The following MYH13 variants were observed in gnomAD, a reference collection of about 807,000 sequenced individuals.
The protein encoded by MYH13 is myosin heavy chain 13, also known as myosin-13.
A neutral mutation model predicts 232.1 loss-of-function variants in MYH13; 177 were observed. The ratio of observed to expected loss-of-function variants is 0.76; its 90% CI spans 0.67 to 0.86. The LOEUF (loss-of-function observed/expected upper bound fraction) is 0.86. MYH13 is among the 40% of genes least tolerant of loss of function. The probability of loss-of-function intolerance (pLI) is 0.00; values close to 1 mark genes in which losing one functional copy is unlikely to be tolerated. For synonymous variants in MYH13, 884 were observed against 923.5 expected, an observed-to-expected ratio of 0.96 and a Z score of 0.78; for missense variants, 2,246 against 2,405.9, an observed-to-expected ratio of 0.93 and a Z score of 1.39.
At chr17:10,323,916 G>A in intron 23 of MYH13, 106 bp downstream of exon 23, 1 of 1,439,342 alleles carries the variant, frequency 6.9e-7, no homozygotes, top group Non-Finnish European at 9.3e-7. Context: ...TCTCATTTCT[G>A]GGCAATGTTA....
At chr17:10,346,578 G>A (rs1364304675) in intron 13 of MYH13, 102 bp downstream of exon 13, 26 of 878,712 alleles carry the variant, frequency 3.0e-5, no homozygotes, top group Non-Finnish European at 4.4e-5. Context: ...TGTGAAAGCT[G>A]ATTTCATGTG....
intron 22 of MYH13, among the ~76,000 whole-genome samples, chr17:10,325,643 C>T (rs775745309): frequency 1.3e-4 from 20 of 152,190 alleles, no homozygotes; most frequent in African/African-American, 4.1e-4. Flanking sequence ...TGTTCTAAAT[C>T]GGGCTATATC....
At chr17:10,332,843 A>G (rs1476381065) in intron 19 of MYH13, among the ~76,000 whole-genome samples, 1 of 152,198 alleles carries the variant, frequency 6.6e-6, no homozygotes, top group Non-Finnish European at 1.5e-5. Context: ...AAGTTGAGAC[A>G]TCCTGGTCTA....
At chr17:10,364,248 G>T in intron 3 of MYH13, 79 bp downstream of exon 3, 1 of 1,398,784 alleles carries the variant, frequency 7.1e-7, no homozygotes, top group Non-Finnish European at 1.0e-6. Context: ...CGAAGGACCA[G>T]CATGCAATTT....
intron 2 of MYH13, among the ~76,000 whole-genome samples, chr17:10,366,380 T>TG (rs1276143855): frequency 1.4e-5 from 2 of 142,590 alleles, no homozygotes; most frequent in African/African-American, 5.2e-5. Context: ...GAAATAAATC[T>TG]GTTTTTTTTT....
At chr17:10,357,287 C>T (rs2071756669) in intron 8 of MYH13, among the ~76,000 whole-genome samples, 1 of 152,134 alleles carries the variant, frequency 6.6e-6, no homozygotes, top group South Asian at 2.1e-4. Flanking sequence ...AGCTCTTCTG[C>T]CTTCACTAGG....
intron 2 of MYH13, among the ~76,000 whole-genome samples, chr17:10,365,532 A>T (rs1233321135): frequency 1.3e-5 from 2 of 152,214 alleles, no homozygotes; most frequent in Non-Finnish European, 2.9e-5. Context: ...GGTGATGCAG[A>T]TGCTGCTGAT....
chr17:10,317,772 A>C (rs1049491009), intron 27 of MYH13: 2 of 152,236 alleles, frequency 1.3e-5, no homozygotes, highest in Admixed American at 1.3e-4. Context: ...CAGAAGGTTC[A>C]AGGGAAGAGG....
At chr17:10,330,703 G>C (rs550490172) in intron 20 of MYH13, among the ~76,000 whole-genome samples, 180 bp from the exon 21 acceptor site, 8 of 151,986 alleles carry the variant, frequency 5.3e-5, no homozygotes, top group Admixed American at 3.9e-4. Flanking sequence ...CTCCTCCTGG[G>C]CAGTGAGGCA....
intron 15 of MYH13, among the ~76,000 whole-genome samples, chr17:10,344,820 CAA>C (rs10566615): frequency 1.9e-3 from 100 of 53,470 alleles, no homozygotes; most frequent in South Asian, 0.016. Flanking sequence ...GACTCCGTCT[CAA>C]AAAAAAAAAA....
chr17:10,307,008 C>T lies in MYH13; in HGVS notation c.5226G>A (p.Gln1742=). Reference sequence around the variant, plus strand: ...CCTGGATCGAGTTCTCCACCTCTGCCTGGCACTGAGCTATGTCAGCCTCCA... The same window carrying T: ...CCTGGATCGAGTTCTCCACCTCTGCTTGGCACTGAGCTATGTCAGCCTCCA... ...KKLEADIAQC[Q]AEVENSIQES... is the part of the protein sequence containing the mutation. Residue 1742 remains glutamine (Q), a synonymous_variant, in exon 36 of 41, where the codon CAG becomes CAA. Transcript: ENST00000252172. 1 of 1,614,052 alleles carries T rather than the reference C, an allele frequency of 6.2e-7. No homozygotes were observed. The highest frequency in any genetic ancestry group is 8.5e-7 in the Non-Finnish European group (1 of 1,179,912).
intron 1 of MYH13, among the ~76,000 whole-genome samples, chr17:10,371,626 C>A (rs768567739): frequency 1.3e-5 from 2 of 151,988 alleles, no homozygotes; most frequent in Admixed American, 6.6e-5. Flanking sequence ...AGGATTAAGA[C>A]AAATTTTTAA....
At chr17:10,337,777 G>A (rs1298807404) in intron 18 of MYH13, among the ~76,000 whole-genome samples, 2 of 152,198 alleles carry the variant, frequency 1.3e-5, no homozygotes, top group African/African-American at 4.8e-5. Flanking sequence ...ATGTAGGGCC[G>A]GGCGCGGTGG....
At chr17:10,332,496 C>G (rs1305185585) in intron 19 of MYH13, among the ~76,000 whole-genome samples, 1 of 152,164 alleles carries the variant, frequency 6.6e-6, no homozygotes, top group Non-Finnish European at 1.5e-5. Flanking sequence ...GGAAATGGTT[C>G]TTCTCTGGCT....
Position 10,345,216 on chromosome 17 carries a change from C to G in MYH13, c.1570G>C (p.Glu524Gln). The change falls in exon 15 of 41, where the codon GAG becomes CAG. Residue 524 changes from glutamate to glutamine, a missense_variant. Transcript: ENST00000252172. ...DFGMDLAACI[E>Q]LIEKPMGIFS... ...TATCTCTCTACCTTCTCGATGAGCT[C>G]GATGCAGGCAGCCAGGTCCATTCCG... 6.2e-7 allele frequency: 1 copy of G among 1,614,078 alleles called. No individual in the cohort carries two copies. Among genetic ancestry groups the G allele is most frequent in the South Asian group, 1.1e-5 (1 of 91,068 alleles).
chr17:10,318,229 C>A (rs1017771563), intron 27 of MYH13, among the ~76,000 whole-genome samples: 1 of 152,114 alleles, frequency 6.6e-6, no homozygotes, highest in Non-Finnish European at 1.5e-5. Flanking sequence ...GGAACAAGAG[C>A]GAAACAGTGG....
chr17:10,347,700 C>A (rs1039269691), intron 12 of MYH13, among the ~76,000 whole-genome samples: 7 of 147,028 alleles, frequency 4.8e-5, no homozygotes, highest in African/African-American at 1.7e-4. Context: ...TGCTGCTCCC[C>A]AGGGACTACT....
At chr17:10,325,467 C>T (rs1907167335) in intron 22 of MYH13, among the ~76,000 whole-genome samples, 1 of 152,168 alleles carries the variant, frequency 6.6e-6, no homozygotes, top group South Asian at 2.1e-4. Flanking sequence ...GCATGAGCCA[C>T]CAGGCCTGGT....
In MYH13 at chr17:10,312,700, G is replaced by A. The variant is rs764282447; in HGVS notation, c.4239C>T (p.Ser1413=). Residue 1413 remains serine, a synonymous_variant, in exon 31 of 41, where the codon TCC becomes TCT. Coordinates refer to ENST00000252172, the MANE Select transcript of MYH13 (RefSeq NM_003802.3). ...EAEENTETAN[S]KCASLEKTKQ... Reference sequence around the variant, plus strand: ...TGGTTTTCTCCAACGATGCGCACTTGGAGTTCGCCGTCTCCGTGTTCTCCT... The same window carrying A: ...TGGTTTTCTCCAACGATGCGCACTTAGAGTTCGCCGTCTCCGTGTTCTCCT... The A allele has an allele frequency of 1.1e-5, 18 of 1,613,572 alleles. No homozygotes were observed. In the South Asian group the frequency reaches 1.9e-4, roughly 17 times the overall value.
Sources: allele counts gnomAD v4.1 joint callset (sites outside exome capture counted in the v4.1 genomes callset), GRCh38; gene constraint gnomAD v4.1.1; transcripts MANE v1.5; gene names NCBI Gene and HGNC (gene_info 2026-07-23, HGNC 2026-07-21).